The following KIF6 variants were observed in gnomAD, a reference collection of about 807,000 sequenced individuals.
The protein encoded by KIF6 is kinesin-like protein KIF6.
In KIF6, 106 loss-of-function variants were observed where a neutral mutation model predicts 112.7. The ratio of observed to expected loss-of-function variants is 0.94; its 90% CI spans 0.80 to 1.11. The LOEUF (loss-of-function observed/expected upper bound fraction) is 1.11, where lower values mean the gene tolerates loss of function less well. Among genes scored for constraint, KIF6 ranks in the 50% least tolerant of loss-of-function variants. The pLI, the probability that KIF6 is intolerant of heterozygous loss-of-function variation, is 0.00. For missense variants in KIF6, 929 were observed against 964.0 expected, an observed-to-expected ratio of 0.96 and a Z score of 0.48; for synonymous variants, 339 against 339.9, an observed-to-expected ratio of 1.00 and a Z score of 0.03.
At chr6:39,604,825 T>C (rs916681702) in intron 6 of KIF6, among the ~76,000 whole-genome samples, 10 of 152,150 alleles carry the variant, frequency 6.6e-5, no homozygotes, top group Admixed American at 5.9e-4. Flanking sequence ...TTGATGGATT[T>C]TTGACTTTTA....
intron 15 of KIF6, among the ~76,000 whole-genome samples, chr6:39,406,907 C>A (rs2150347179): frequency 6.6e-6 from 1 of 152,274 alleles, no homozygotes; most frequent in South Asian, 2.1e-4. Context: ...TGCCACCATG[C>A]TCAGCTAATT....
intron 8 of KIF6, among the ~76,000 whole-genome samples, 184 bp downstream of exon 8, chr6:39,586,077 A>G (rs1156263848): frequency 1.3e-5 from 2 of 152,210 alleles, no homozygotes; most frequent in African/African-American, 4.8e-5. Flanking sequence ...GGTTATTATA[A>G]CAATGACCCA....
At chr6:39,357,497 G>A (rs1562127053) in intron 18 of KIF6, 123 bp from the exon 19 acceptor site, 23 of 587,508 alleles carry the variant, frequency 3.9e-5, no homozygotes, top group Non-Finnish European at 5.9e-5. Context: ...TGCCCAGGCT[G>A]GAGTGCAGTG....
At chr6:39,390,521 T>C (rs767149382) in intron 15 of KIF6, among the ~76,000 whole-genome samples, 3 of 152,140 alleles carry the variant, frequency 2.0e-5, no homozygotes, top group Non-Finnish European at 4.4e-5. Context: ...AAGTATATAC[T>C]GGTTTGGGAC....
chr6:39,725,030 G>A (rs1270337215), intron 1 of KIF6, among the ~76,000 whole-genome samples: 1 of 152,226 alleles, frequency 6.6e-6, no homozygotes, highest in African/African-American at 2.4e-5. Context: ...CGCTGTGCCA[G>A]GTAGGAGTGG....
chr6:39,430,458 A>G (rs937215137), intron 14 of KIF6, among the ~76,000 whole-genome samples: 2 of 152,204 alleles, frequency 1.3e-5, no homozygotes, highest in African/African-American at 4.8e-5. Flanking sequence ...TGTTTGCTAC[A>G]GTTTGAGGAT....
In KIF6 at chr6:39,673,928, T is replaced by C. The variant is rs1175850448; in HGVS notation, c.252-34171A>G. Among the ~76,000 whole-genome samples, 4 of 152,178 alleles carry C rather than the reference T, an allele frequency of 2.6e-5. No individual in the cohort carries two copies. The East Asian group carries it at 5.8e-4, about 22-fold the overall frequency. On this transcript the variant is annotated intron_variant, in intron 3 of 22. Transcript: ENST00000287152. ...AAATGAGATGAAGTCTTAGAACAAG[T>C]AGAAAGACTTGGACAGGAAAGTCAA...
At chr6:39,457,660 T>G (rs1171968737) in intron 13 of KIF6, among the ~76,000 whole-genome samples, 1 of 151,752 alleles carries the variant, frequency 6.6e-6, no homozygotes, top group Non-Finnish European at 1.5e-5. Flanking sequence ...AAGAATCAAA[T>G]AGACACGATA....
At chr6:39,677,618 G>A (rs1210645875) in intron 3 of KIF6, among the ~76,000 whole-genome samples, 1 of 143,158 alleles carries the variant, frequency 7.0e-6, no homozygotes, top group Non-Finnish European at 1.5e-5. Context: ...TGCCATGCTG[G>A]TGCGCTGCAC....
At chr6:39,629,327 C>T (rs537037477) in intron 5 of KIF6, among the ~76,000 whole-genome samples, 21 of 152,144 alleles carry the variant, frequency 1.4e-4, no homozygotes, top group African/African-American at 4.3e-4. Flanking sequence ...CACATCCTTG[C>T]CAGCATTTGG....
At chr6:39,467,033 T>A (rs1030687974) in intron 13 of KIF6, among the ~76,000 whole-genome samples, 7 of 152,144 alleles carry the variant, frequency 4.6e-5, no homozygotes, top group Non-Finnish European at 1.0e-4. Flanking sequence ...AGAGATTTGT[T>A]CCACAGGACA....
chr6:39,591,082 C>T (rs912862086), intron 7 of KIF6, among the ~76,000 whole-genome samples: 1 of 152,144 alleles, frequency 6.6e-6, no homozygotes, highest in African/African-American at 2.4e-5. Flanking sequence ...AAACAAAATT[C>T]CTGAGGTTCA....
intron 6 of KIF6, among the ~76,000 whole-genome samples, chr6:39,608,856 A>C (rs1783037896): frequency 6.6e-6 from 1 of 152,194 alleles, no homozygotes; most frequent in Admixed American, 6.5e-5. Context: ...TGAATTCCAC[A>C]AAACAGTTAA....
Position 39,578,041 on chromosome 6 carries a change from A to T in KIF6, c.1181+15T>A. The stretch of plus-strand genomic sequence containing the variant: ...TCACTGTTAAAGAAAAAGAAAAAAA[A>T]GTCTGCAGACTTACTGAAGGAGCTC... On this transcript the variant is annotated intron_variant, in intron 10 of 22. Transcript: ENST00000287152. The T allele has an allele frequency of 6.4e-7, 1 of 1,570,358 alleles. No individual in the cohort carries two copies. Among genetic ancestry groups the T allele is most frequent in the Non-Finnish European group, 8.7e-7 (1 of 1,145,334 alleles).
At chr6:39,566,131 C>T (rs942331449) in intron 10 of KIF6, among the ~76,000 whole-genome samples, 1 of 152,168 alleles carries the variant, frequency 6.6e-6, no homozygotes, top group Non-Finnish European at 1.5e-5. Flanking sequence ...AAAGTGGCTG[C>T]CTTTCACTTC....
At chr6:39,682,876 G>A (rs931180080) in intron 3 of KIF6, among the ~76,000 whole-genome samples, 12 of 139,050 alleles carry the variant, frequency 8.6e-5, no homozygotes, top group African/African-American at 1.8e-4. Flanking sequence ...CCGCGCCAGC[G>A]TGACTAGATA....
intron 6 of KIF6, among the ~76,000 whole-genome samples, chr6:39,605,244 T>C (rs1782820245): frequency 6.6e-6 from 1 of 152,144 alleles, no homozygotes; most frequent in African/African-American, 2.4e-5. Context: ...AATTTAGCCA[T>C]CAAAACAGTA....
intron 3 of KIF6, among the ~76,000 whole-genome samples, chr6:39,711,468 TTAAG>T (rs1789555994): frequency 6.6e-6 from 1 of 152,092 alleles, no homozygotes; most frequent in Non-Finnish European, 1.5e-5. Context: ...CCTGCTGGGC[TTAAG>T]TGATCCTCCC....
At chr6:39,679,399 G>A (rs1018147455) in intron 3 of KIF6, among the ~76,000 whole-genome samples, 1 of 152,100 alleles carries the variant, frequency 6.6e-6, no homozygotes, top group Non-Finnish European at 1.5e-5. Context: ...ATGGAACGGT[G>A]GGGGACAGGG....
Sources: allele counts gnomAD v4.1 joint callset (sites outside exome capture counted in the v4.1 genomes callset), GRCh38; gene constraint gnomAD v4.1.1; transcripts MANE v1.5; gene names NCBI Gene and HGNC (gene_info 2026-07-23, HGNC 2026-07-21).